MYLK4: variants seen among roughly 807,000 people sequenced by gnomAD.
MYLK4 encodes the protein myosin light chain kinase family member 4, also known as caMLCK like.
In MYLK4, 46 loss-of-function variants were observed where a neutral mutation model predicts 48.1. The observed-to-expected ratio is 0.96, with a 90% confidence interval of 0.75 to 1.22. MYLK4 has a LOEUF of 1.22. MYLK4 is among the 50% of genes most tolerant of loss of function. The pLI is 0.00. For synonymous variants in MYLK4, 170 were observed against 180.8 expected, an observed-to-expected ratio of 0.94 and a Z score of 0.48; for missense variants, 451 against 486.1, an observed-to-expected ratio of 0.93 and a Z score of 0.68.
At chr6:2,679,129 A>AAGT in intron 9 of MYLK4, 151 bp downstream of exon 9, 1 of 843,518 alleles carries the variant, frequency 1.2e-6, no homozygotes. Context: ...TTTCACCCAC[A>AAGT]GGAGTCAACA....
rs904385000 is a variant in MYLK4 at position 2,718,582 on chromosome 6, G to T, written c.160-25723C>A. On this transcript the variant is annotated intron_variant, in intron 2 of 12. Transcript: ENST00000274643. ...AGCCACTTTGGGACCATGAAGAAAA[G>T]GTCAGAGAATTTCAGAGACATTGGC... Among the ~76,000 whole-genome samples the T allele has an allele frequency of 2.0e-5, 3 of 152,328 alleles. 1 individual carries two copies. The South Asian group carries it at 6.2e-4, about 32-fold the overall frequency.
Position 2,701,754 on chromosome 6 carries a change from C to A in MYLK4, c.160-8895G>T, listed in dbSNP as rs192215802. ...GCAGCATCTCCTGGGAACCTGCTAG[C>A]AATGCAGAACCTCAGAACCTCAGCC... is the stretch of plus-strand genomic sequence containing the variant. On this transcript the variant is annotated intron_variant, in intron 2 of 12. Coordinates refer to ENST00000274643, the MANE Select transcript of MYLK4 (RefSeq NM_001012418.5). Among the ~76,000 whole-genome samples, 24 of 152,366 alleles carry A rather than the reference C, an allele frequency of 1.6e-4. No homozygotes were observed. In the East Asian group the frequency reaches 4.6e-3, roughly 29 times the overall value.
At chr6:2,765,748 C>T in the MYLK4 span, 52 of 1,505,840 alleles carry the variant, frequency 3.5e-5, no homozygotes, top group Non-Finnish European at 4.1e-5. Context: ...GTCTGCTGCT[C>T]CACCCGGCGG....
rs1761073211 is a variant in MYLK4, at chr6:2,676,104, A to AG, written c.1041-980_1041-979insC. Among the ~76,000 whole-genome samples the AG allele has an allele frequency of 3.9e-5, 6 of 151,914 alleles. No individual in the cohort carries two copies. In the South Asian group the frequency reaches 1.2e-3, roughly 32 times the overall value. Reference sequence around the variant, plus strand: ...GAGATTCTGTCTCAAAAAAAAAAAAAAAAATGAAAAAACAAACAAACAAAC... The same window carrying AG: ...GAGATTCTGTCTCAAAAAAAAAAAAAGAAAATGAAAAAACAAACAAACAAAC... On this transcript the variant is annotated intron_variant, in intron 10 of 12. Transcript: ENST00000274643.
intron 2 of MYLK4, among the ~76,000 whole-genome samples, chr6:2,697,164 G>C (rs1208788749): frequency 6.6e-6 from 1 of 152,198 alleles, no homozygotes; most frequent in Non-Finnish European, 1.5e-5. Context: ...ATATTTTACT[G>C]ATGGCAGCAC....
At chr6:2,677,748 T>A (rs982839359) in intron 10 of MYLK4, among the ~76,000 whole-genome samples, 1 of 152,210 alleles carries the variant, frequency 6.6e-6, no homozygotes, top group African/African-American at 2.4e-5. Context: ...CCACGTGGGA[T>A]CTTCTACCCG....
chr6:2,725,555 C>CAAAGAAAG (rs1554131493), intron 2 of MYLK4, among the ~76,000 whole-genome samples: 3 of 89,674 alleles, frequency 3.3e-5, no homozygotes, highest in Non-Finnish European at 7.2e-5. Flanking sequence ...AACAAAGAAA[C>CAAAGAAAG]AAAGAAAGAA....
At chr6:2,755,476 G>T (rs571941344), upstream of MYLK4, among the ~76,000 whole-genome samples, 1 of 152,244 alleles carries the variant, frequency 6.6e-6, no homozygotes, top group South Asian at 2.1e-4. Context: ...ATTACATAGC[G>T]CATTTAATCA....
chr6:2,693,989 C>A (rs1761918678), intron 2 of MYLK4, among the ~76,000 whole-genome samples: 1 of 152,086 alleles, frequency 6.6e-6, no homozygotes, highest in Admixed American at 6.5e-5. Flanking sequence ...GGACTCCTGA[C>A]CTCAGTTGAT....
chr6:2,720,055 G>T (rs562339998), intron 2 of MYLK4, among the ~76,000 whole-genome samples: 1 of 152,136 alleles, frequency 6.6e-6, no homozygotes, highest in South Asian at 2.1e-4. Context: ...GATTTCCCAG[G>T]TGATTCTAAT....
chr6:2,762,808 C>T, the MYLK4 span, among the ~76,000 whole-genome samples: 1 of 152,168 alleles, frequency 6.6e-6, no homozygotes, highest in Non-Finnish European at 1.5e-5. Context: ...TTCCCGGAGA[C>T]CGTTAGAGGT....
At chr6:2,720,176 G>A (rs564631231) in intron 2 of MYLK4, among the ~76,000 whole-genome samples, 52 of 152,058 alleles carry the variant, frequency 3.4e-4, no homozygotes, top group African/African-American at 1.2e-3. Flanking sequence ...AGGCTGAGGC[G>A]GGTAGATCAC....
At chr6:2,727,481 AC>A (rs1483415187) in intron 2 of MYLK4, among the ~76,000 whole-genome samples, 4 of 151,882 alleles carry the variant, frequency 2.6e-5, no homozygotes, top group Non-Finnish European at 4.4e-5. Flanking sequence ...GTGAGTGGGA[AC>A]CCCCCCAAAG....
intron 2 of MYLK4, among the ~76,000 whole-genome samples, chr6:2,725,645 AAG>A (rs1157158358): frequency 2.9e-5 from 4 of 139,222 alleles, no homozygotes; most frequent in South Asian, 4.4e-4. Context: ...GAAAGAAGGA[AAG>A]AGAGAGAGAG....
At chr6:2,743,936 C>T (rs540067527) in intron 2 of MYLK4, 31 of 398,668 alleles carry the variant, frequency 7.8e-5, no homozygotes, top group Non-Finnish European at 1.1e-4. Context: ...GTGGCCTCCC[C>T]GGGTCATCAC....
intron 2 of MYLK4, among the ~76,000 whole-genome samples, chr6:2,748,041 C>T (rs1405560663): frequency 6.6e-6 from 1 of 152,188 alleles, no homozygotes; most frequent in African/African-American, 2.4e-5. Flanking sequence ...CTTTTATATA[C>T]AATCTCTCTA....
At chr6:2,765,182 A>ACCCCCCCCCCCCC in the MYLK4 span, among the ~76,000 whole-genome samples, 40 of 72,936 alleles carry the variant, frequency 5.5e-4, 4 homozygotes, top group African/African-American at 9.4e-4. Flanking sequence ...TCGCCTCGCA[A>ACCCCCCCCCCCCC]CCCCCCCCCC....
the MYLK4 span, among the ~76,000 whole-genome samples, chr6:2,763,434 G>A: frequency 0.64 from 97,275 of 152,150 alleles, 31,861 homozygotes; most frequent in Non-Finnish European, 0.71. Context: ...TCCCCAGTTG[G>A]GGGGAGGCTC....
intron 9 of MYLK4, among the ~76,000 whole-genome samples, chr6:2,678,944 C>T (rs1057308847): frequency 2.0e-4 from 31 of 152,086 alleles, no homozygotes; most frequent in African/African-American, 5.6e-4. Flanking sequence ...CCTCGTGATC[C>T]GCCCACCTCA....
Sources: allele counts gnomAD v4.1 joint callset (sites outside exome capture counted in the v4.1 genomes callset), GRCh38; gene constraint gnomAD v4.1.1; transcripts MANE v1.5; gene names NCBI Gene and HGNC (gene_info 2026-07-23, HGNC 2026-07-21).